RB1: variants seen among roughly 807,000 people sequenced by gnomAD.
RB1 encodes retinoblastoma-associated protein.
In RB1, 18 loss-of-function variants were observed where a neutral mutation model predicts 135.4. That is an observed-to-expected ratio of 0.13 (90% confidence interval 0.09 to 0.20). RB1 has a LOEUF of 0.20. Ranked by LOEUF, RB1 falls within the 10% of genes least tolerant of loss-of-function variation. The pLI, the probability that RB1 is intolerant of heterozygous loss-of-function variation, is 1.00. For synonymous variants in RB1, 365 were observed against 373.2 expected, an observed-to-expected ratio of 0.98 and a Z score of 0.25; for missense variants, 868 against 1,110.0, an observed-to-expected ratio of 0.78 and a Z score of 3.10.
chr13:48,444,848 G>C (rs112347115), intron 17 of RB1: 2 of 152,204 alleles, frequency 1.3e-5, no homozygotes, highest in Non-Finnish European at 2.9e-5. Flanking sequence ...CTTGGAACAG[G>C]TTAAAGGAGG....
At chr13:48,400,536 A>G (rs1002718087) in intron 17 of RB1, among the ~76,000 whole-genome samples, 3 of 152,216 alleles carry the variant, frequency 2.0e-5, no homozygotes, top group African/African-American at 4.8e-5. Flanking sequence ...GAGTGTTACT[A>G]TGCTATGGCA....
chr13:48,413,303 CT>C (rs1286375805), intron 17 of RB1, among the ~76,000 whole-genome samples: 1 of 152,200 alleles, frequency 6.6e-6, no homozygotes, highest in East Asian at 1.9e-4. Flanking sequence ...TGCTCATTAA[CT>C]CTTTTTATGT....
At chr13:48,450,532 T>C (rs1168224191) in intron 17 of RB1, among the ~76,000 whole-genome samples, 1 of 152,222 alleles carries the variant, frequency 6.6e-6, no homozygotes, top group African/African-American at 2.4e-5. Flanking sequence ...TGTCTGCTTT[T>C]GTACTAATAC....
chr13:48,451,306 T>C (rs1218544953), intron 17 of RB1, among the ~76,000 whole-genome samples: 1 of 152,202 alleles, frequency 6.6e-6, no homozygotes, highest in Non-Finnish European at 1.5e-5. Flanking sequence ...ATTCCTTGAA[T>C]ACCTAGTTTG....
intron 1 of RB1, among the ~76,000 whole-genome samples, chr13:48,306,964 A>G (rs955852868): frequency 2.6e-5 from 4 of 152,092 alleles, no homozygotes; most frequent in Non-Finnish European, 5.9e-5. Context: ...TCTTTATCCT[A>G]TTTTCCCAAA....
chr13:48,373,660 T>C (rs1032807829), intron 12 of RB1, among the ~76,000 whole-genome samples, 168 bp downstream of exon 12: 6 of 152,136 alleles, frequency 3.9e-5, no homozygotes, highest in Admixed American at 6.5e-5. Context: ...TTATTAGTAG[T>C]ATTGTTTTAT....
intron 17 of RB1, chr13:48,401,534 G>T (rs965763871): frequency 6.6e-6 from 1 of 152,008 alleles, no homozygotes; most frequent in African/African-American, 2.4e-5. Flanking sequence ...CAACTTTTTG[G>T]CATTTCATTT....
chr13:48,359,904 C>G, intron 6 of RB1, 113 bp from the exon 7 acceptor site: 1 of 1,388,830 alleles, frequency 7.2e-7, no homozygotes, highest in Non-Finnish European at 9.6e-7. Flanking sequence ...CTTTACCATG[C>G]TGATAGTGAT....
intron 10 of RB1, among the ~76,000 whole-genome samples, chr13:48,368,110 C>T (rs954826264): frequency 5.3e-5 from 8 of 151,910 alleles, no homozygotes; most frequent in South Asian, 2.1e-4. Context: ...TGAAAATATG[C>T]GTAATTTAGA....
At chr13:48,331,238 G>C (rs1952333946) in intron 2 of RB1, among the ~76,000 whole-genome samples, 1 of 152,198 alleles carries the variant, frequency 6.6e-6, no homozygotes, top group Non-Finnish European at 1.5e-5. Context: ...AGGATCATTT[G>C]TCACTTGCAT....
chr13:48,385,583 C>A (rs1271726514), intron 17 of RB1, among the ~76,000 whole-genome samples: 2 of 152,000 alleles, frequency 1.3e-5, no homozygotes, highest in Non-Finnish European at 1.5e-5. Context: ...GAAACCTTGG[C>A]CACTGAAGAG....
At chr13:48,338,578 G>T (rs1411339172) in intron 2 of RB1, among the ~76,000 whole-genome samples, 1 of 152,166 alleles carries the variant, frequency 6.6e-6, no homozygotes, top group Non-Finnish European at 1.5e-5. Context: ...TTGGCCAGTT[G>T]TCTAATCTTT....
At chr13:48,305,961 A>G (rs114666117) in intron 1 of RB1, among the ~76,000 whole-genome samples, 137 of 152,326 alleles carry the variant, frequency 9.0e-4, no homozygotes, top group Middle Eastern at 3.4e-3. Flanking sequence ...TTCATTGTTG[A>G]AATAATCAAA....
chr13:48,328,428 G>A (rs1375357770), intron 2 of RB1: 3 of 1,242,864 alleles, frequency 2.4e-6, no homozygotes, highest in Admixed American at 1.7e-5. Context: ...TGCAGGCTTT[G>A]TTGGAGGTCT....
At position 48,476,820 on chromosome 13, in the gene RB1, A is replaced by G. The variant is rs2138359546; in HGVS notation, c.2640A>G (p.Glu880=). 6.2e-7 allele frequency: 1 copy of G among 1,613,668 alleles called. No homozygotes were observed. Among genetic ancestry groups the G allele is most frequent in the Non-Finnish European group, 8.5e-7 (1 of 1,179,638 alleles). The change falls in exon 25 of 27, where the codon GAA becomes GAG. Residue 880 remains glutamate (E), a synonymous_variant. Transcript: ENST00000267163. ...KPLKKLRFDI[E]GSDEADGSKH... ...TGAAAAAACTACGCTTTGATATTGA[A>G]GGATCAGATGAAGCAGATGGAAGGT... is the stretch of plus-strand genomic sequence containing the variant.
At chr13:48,318,285 C>G in intron 2 of RB1, 1 of 1,083,844 alleles carries the variant, frequency 9.2e-7, no homozygotes, top group Non-Finnish European at 1.3e-6. Context: ...CGGGAGCCCG[C>G]CCAGCTGCTC....
At chr13:48,424,692 GT>G (rs1312939679) in intron 17 of RB1, among the ~76,000 whole-genome samples, 3 of 152,042 alleles carry the variant, frequency 2.0e-5, no homozygotes, top group African/African-American at 7.2e-5. Flanking sequence ...AATCTCATCA[GT>G]TCCTTTTCTG....
chr13:48,424,660 G>A (rs985419802), intron 17 of RB1, among the ~76,000 whole-genome samples: 3 of 151,974 alleles, frequency 2.0e-5, no homozygotes, highest in South Asian at 4.2e-4. Flanking sequence ...ATCATATCAC[G>A]TCTTTTCTAT....
chr13:48,392,326 G>C (rs1948617154), intron 17 of RB1, among the ~76,000 whole-genome samples: 1 of 152,090 alleles, frequency 6.6e-6, no homozygotes, highest in Admixed American at 6.5e-5. Flanking sequence ...GGCCAGGCTG[G>C]TCTCGAACTC....
Sources: gnomAD v4.1 joint callset for allele counts (sites outside exome capture counted in the v4.1 genomes callset) on GRCh38, gnomAD v4.1.1 for gene constraint, MANE v1.5 for transcripts, NCBI Gene and HGNC (gene_info 2026-07-23, HGNC 2026-07-21) for gene names.